Variants in BCOR observed in about 807,000 individuals in gnomAD.
BCOR encodes BCL6 corepressor, also known as BCL-6 corepressor.
Under a neutral mutation model 86.7 loss-of-function variants are expected in BCOR, and 10 were observed. That is an observed-to-expected ratio of 0.12 (90% confidence interval 0.07 to 0.20). BCOR has a LOEUF of 0.20. Ranked by LOEUF, BCOR falls within the 10% of genes least tolerant of loss-of-function variation. The pLI, the probability that BCOR is intolerant of heterozygous loss-of-function variation, is 1.00. For missense variants in BCOR, 1,259 were observed against 1,452.1 expected, an observed-to-expected ratio of 0.87 and a Z score of 2.16; for synonymous variants, 611 against 609.0, an observed-to-expected ratio of 1.00 and a Z score of -0.05.
At chrX:40,055,026 T>C (rs1021161355) in intron 12 of BCOR, among the ~76,000 whole-genome samples, 1 of 112,412 alleles carries the variant, frequency 8.9e-6, no homozygotes, top group African/African-American at 3.2e-5. Context: ...GGTTATCTGA[T>C]GACCTAACAC....
intron 1 of BCOR, among the ~76,000 whole-genome samples, chrX:40,104,195 T>C (rs997082082): frequency 8.9e-6 from 1 of 111,780 alleles, no homozygotes; most frequent in Non-Finnish European, 1.9e-5. Flanking sequence ...CTGGTCGATG[T>C]TTGTGTTTCG....
chrX:40,160,726 C>T (rs1273577932), intron 1 of BCOR, among the ~76,000 whole-genome samples: 5 of 98,215 alleles, frequency 5.1e-5, no homozygotes, highest in Admixed American at 2.2e-4. Context: ...TGCAGTGGCA[C>T]AATCTCGGCT....
chrX:40,107,713 G>A (rs1183538034), intron 1 of BCOR, among the ~76,000 whole-genome samples: 1 of 113,203 alleles, frequency 8.8e-6, no homozygotes, highest in Non-Finnish European at 1.9e-5. Flanking sequence ...ACCAGTGCCA[G>A]CCCCGCTGCG....
At chrX:40,154,361 C>T (rs1303362155) in intron 1 of BCOR, among the ~76,000 whole-genome samples, 1 of 111,628 alleles carries the variant, frequency 9.0e-6, no homozygotes, top group Non-Finnish European at 1.9e-5. Flanking sequence ...TTGATGTGCC[C>T]GCGGAGCGGC....
chrX:40,110,667 C>CTTTTTTTT (rs546960508), intron 1 of BCOR, among the ~76,000 whole-genome samples: 2 of 29,544 alleles, frequency 6.8e-5, no homozygotes, highest in Non-Finnish European at 1.4e-4. Context: ...TTTCCTTTTT[C>CTTTTTTTT]TTTTTTTTTT....
rs775870901 is a variant in BCOR, at chrX:40,055,457, G to C, written c.4652C>G (p.Ser1551Cys). 6.4e-5 allele frequency: 77 copies of C among 1,211,618 alleles called. No homozygotes were observed. The highest frequency in any genetic ancestry group is 8.4e-5 in the Non-Finnish European group (75 of 895,071). The change falls in exon 12 of 15, where the codon TCT (serine) becomes TGT (cysteine). Residue 1551 changes from serine to cysteine, a missense_variant. By Grantham distance (112) the Ser-to-Cys change is moderately radical (BLOSUM62 -1). Transcript: ENST00000378444. ...DHLEIVRLLLSYGADPTLATY... is the reference protein window; with the variant it reads ...DHLEIVRLLLCYGADPTLATY... ...AGCCAAGGTGGGGTCAGCACCATAA[G>C]AGAGAAGTAGTCGGACAATTTCCAA...
At chrX:40,163,763 C>T (rs756720860) in intron 1 of BCOR, among the ~76,000 whole-genome samples, 1 of 111,107 alleles carries the variant, frequency 9.0e-6, no homozygotes, top group South Asian at 3.8e-4. Context: ...GTGGCTCACG[C>T]CTGTAATCCC....
intron 1 of BCOR, among the ~76,000 whole-genome samples, chrX:40,157,752 A>G (rs1569199010): frequency 8.9e-6 from 1 of 112,019 alleles, no homozygotes. Flanking sequence ...CTCAGAATGC[A>G]CCGCATTCAT....
rs7050078 is a variant in BCOR, at chrX:40,142,423, C to G, written c.-41+34584G>C. Among the ~76,000 whole-genome samples, 824 of 112,194 alleles carry G rather than the reference C, an allele frequency of 7.3e-3. 5 individuals carry two copies. Among genetic ancestry groups the G allele is most frequent in the African/African-American group, 0.026 (796 of 30,896 alleles). On this transcript the variant is annotated intron_variant, in intron 1 of 14. Transcript: ENST00000342274. ...ATTTTAGCTTCAGGTTGGGTCACTT[C>G]GATCCTGCCTGGGCCCAGGTGCTAG...
chrX:40,169,429 C>G (rs1938572871), intron 1 of BCOR, among the ~76,000 whole-genome samples: 1 of 111,809 alleles, frequency 8.9e-6, no homozygotes, highest in Non-Finnish European at 1.9e-5. Flanking sequence ...ATCGGCCAAC[C>G]ATTTAGTTTA....
intron 1 of BCOR, among the ~76,000 whole-genome samples, chrX:40,152,364 G>C (rs1420559551): frequency 9.0e-6 from 1 of 111,505 alleles, no homozygotes; most frequent in Non-Finnish European, 1.9e-5. Context: ...GAAGGAACTC[G>C]GGGTTGGAGA....
intron 1 of BCOR, among the ~76,000 whole-genome samples, chrX:40,163,582 A>AACCCCCCCC (rs1938459349): frequency 3.8e-5 from 1 of 26,507 alleles, no homozygotes; most frequent in Non-Finnish European, 6.9e-5. Flanking sequence ...CCACCTTCCC[A>AACCCCCCCC]CCCCCACCCC....
chrX:40,119,019 G>T (rs1804862851), intron 1 of BCOR, among the ~76,000 whole-genome samples: 1 of 112,046 alleles, frequency 8.9e-6, no homozygotes, highest in South Asian at 3.7e-4. Context: ...TTTTAGTAGA[G>T]ACAGGGTTTT....
chrX:40,055,652 CCAGGAGGTGTG>C, intron 11 of BCOR, 139 bp from the exon 12 acceptor site: 1 of 686,575 alleles, frequency 1.5e-6, no homozygotes, highest in Non-Finnish European at 2.2e-6. Context: ...AGTATTTCAT[CCAGGAGGTGTG>C]CACAGTCACC....
In BCOR at chrX:40,052,218, C is replaced by T; in HGVS notation, c.5159G>A (p.Ser1720Asn). Residue 1720 changes from serine (S) to asparagine (N), a missense_variant, in exon 15 of 15, where the codon AGT becomes AAT. Around this residue, in one of 7 missense-constraint regions of BCOR, gnomAD observed 137 missense variants for 149.8 expected, o/e 0.91. Transcript: ENST00000378444. ...TTCCACCAGATCTAACAGCTCCTTA[C>T]TTTCAGGGTTGAAGGCTTCCAGGTC... ...SKDLEAFNPE[S>N]KELLDLVEFT... 8.3e-7 allele frequency: 1 copy of T among 1,211,797 alleles called. No homozygotes were observed. Among genetic ancestry groups the T allele is most frequent in the African/African-American group, 1.7e-5 (1 of 57,868 alleles).
At chrX:40,113,887 C>T (rs758998350) in intron 1 of BCOR, among the ~76,000 whole-genome samples, 19 of 109,903 alleles carry the variant, frequency 1.7e-4, no homozygotes, top group African/African-American at 6.3e-4. Flanking sequence ...AGCACGATCT[C>T]AGCTCACTGC....
At position 40,063,056 on chromosome X, in the gene BCOR, G is replaced by A; in HGVS notation, c.3863C>T (p.Ser1288Phe). Residue 1288 changes from serine to phenylalanine, a missense_variant, in exon 9 of 15, where the codon TCC becomes TTC. Ser to Phe is a radical substitution (Grantham distance 155). Coordinates refer to ENST00000378444, the MANE Select transcript of BCOR (RefSeq NM_001123385.2). The stretch of plus-strand genomic sequence containing the variant: ...AAGACTCTTCATGGGCGGAGAGCCG[G>A]AGAACACAGGCAAGCCTAAATACGG... ...SDNEQGLPVF[S>F]GSPPMKSLSS... 1 of 1,073,591 alleles carries A rather than the reference G, an allele frequency of 9.3e-7. No individual in the cohort carries two copies. Among genetic ancestry groups the A allele is most frequent in the African/African-American group, 2.1e-5 (1 of 47,428 alleles). The allele number at this position is 1,073,591 out of a possible 1,213,427, so 88.5% of individuals were successfully genotyped here. A position where few individuals can be genotyped will look rare whatever the true frequency, so the allele number is the denominator to read the frequency against.
chrX:40,051,591 T>C lies in BCOR; in HGVS notation c.*518A>G. The C allele has an allele frequency of 1.7e-5, 3 of 175,714 alleles. No homozygotes were observed. Among genetic ancestry groups the C allele is most frequent in the African/African-American group, 8.7e-5 (3 of 34,557 alleles). The allele number at this position is 175,714 out of a possible 1,213,427, so 14.5% of individuals were successfully genotyped here. A position where few individuals can be genotyped will look rare whatever the true frequency, so the allele number is the denominator to read the frequency against. ...CATACAATTAGTTGTTGTGTGTGGA[T>C]ATGGTTTGAATTTATATTACACACT... is the stretch of plus-strand genomic sequence containing the variant. On this transcript the variant is annotated 3_prime_UTR_variant, in exon 15 of 15. Coordinates refer to ENST00000378444, the MANE Select transcript of BCOR (RefSeq NM_001123385.2).
At chrX:40,144,992 G>A (rs867420875) in intron 1 of BCOR, among the ~76,000 whole-genome samples, 1 of 42,245 alleles carries the variant, frequency 2.4e-5, no homozygotes, top group African/African-American at 1.0e-4. Context: ...CCCTCCCCCC[G>A]CCCCTTTTAA....
Sources: gnomAD v4.1 joint callset for allele counts (sites outside exome capture counted in the v4.1 genomes callset) on GRCh38, gnomAD v4.1.1 for gene constraint, gnomAD v4.1.1 regional missense constraint, MANE v1.5 for transcripts, NCBI Gene and HGNC (gene_info 2026-07-23, HGNC 2026-07-21) for gene names.